The following OCM variants were observed in gnomAD, a reference collection of about 807,000 sequenced individuals.
OCM encodes oncomodulin.
Under a neutral mutation model 14.1 loss-of-function variants are expected in OCM, and 18 were observed. That is an observed-to-expected ratio of 1.28 (90% CI 0.88 to 1.89). The LOEUF (loss-of-function observed/expected upper bound fraction) is 1.89. OCM is among the 40% of genes most tolerant of loss of function. The probability of loss-of-function intolerance (pLI) is 0.00; values close to 1 mark genes in which losing one functional copy is unlikely to be tolerated. For missense variants in OCM, 140 were observed against 137.6 expected, an observed-to-expected ratio of 1.02 and a Z score of -0.09; for synonymous variants, 48 against 51.0, an observed-to-expected ratio of 0.94 and a Z score of 0.25.
At chr7:5,871,935 G>A in the OCM span, 1 of 152,180 alleles carries the variant, frequency 6.6e-6, no homozygotes, top group African/African-American at 2.4e-5. Context: ...GCCAAACTTA[G>A]TGGAGACACC....
intron 1 of OCM, among the ~76,000 whole-genome samples, chr7:5,881,553 C>T (rs1371066524): frequency 6.6e-6 from 1 of 151,846 alleles, no homozygotes; most frequent in Non-Finnish European, 1.5e-5. Flanking sequence ...TCACTGAAGC[C>T]CAGGAGGTTG....
At chr7:5,862,237 A>G in the OCM span, among the ~76,000 whole-genome samples, 8 of 152,166 alleles carry the variant, frequency 5.3e-5, no homozygotes, top group African/African-American at 1.9e-4. Flanking sequence ...CCAAAGAGAA[A>G]GTCAAGCTTG....
chr7:5,876,831 G>C (rs1385565180), upstream of OCM, among the ~76,000 whole-genome samples: 1 of 148,984 alleles, frequency 6.7e-6, no homozygotes, highest in Non-Finnish European at 1.5e-5. Flanking sequence ...TTGAGATGGA[G>C]TTTTGCTCTT....
chr7:5,871,788 T>C, the OCM span: 1 of 151,868 alleles, frequency 6.6e-6, no homozygotes, highest in Non-Finnish European at 1.5e-5. Flanking sequence ...CAGGCTGGAG[T>C]GCAGTGGCTA....
chr7:5,883,704 C>CAAAG (rs979824133), intron 2 of OCM, among the ~76,000 whole-genome samples, 186 bp from the exon 3 acceptor site: 9 of 151,138 alleles, frequency 6.0e-5, no homozygotes, highest in African/African-American at 2.2e-4. Context: ...AACAAACAAA[C>CAAAG]AAAACCTTAA....
At chr7:5,870,445 C>A in the OCM span, among the ~76,000 whole-genome samples, 2 of 152,194 alleles carry the variant, frequency 1.3e-5, no homozygotes, top group Non-Finnish European at 1.5e-5. Context: ...CTCATAGCAT[C>A]CTGTCCATTG....
At chr7:5,863,633 A>G in the OCM span, among the ~76,000 whole-genome samples, 1 of 151,684 alleles carries the variant, frequency 6.6e-6, no homozygotes. Flanking sequence ...CCTGGGTTCA[A>G]GCGATTCTCC....
the OCM span, among the ~76,000 whole-genome samples, chr7:5,868,501 C>T: frequency 4.6e-5 from 7 of 152,176 alleles, no homozygotes; most frequent in East Asian, 3.9e-4. Context: ...AGTGAGCTCA[C>T]GAAGACACAG....
chr7:5,876,893 C>A (rs1047180953), upstream of OCM, among the ~76,000 whole-genome samples: 2 of 151,850 alleles, frequency 1.3e-5, no homozygotes, highest in Non-Finnish European at 2.9e-5. Context: ...GCAACCTCCA[C>A]CTCCCCAGTT....
In OCM at chr7:5,880,904, C is replaced by T. The variant is rs756749429; in HGVS notation, c.15C>T (p.Asp5=). 3.1e-5 allele frequency: 50 copies of T among 1,613,678 alleles called. No homozygotes were observed. Among genetic ancestry groups the T allele is most frequent in the Non-Finnish European group, 3.9e-5 (46 of 1,179,760 alleles). Residue 5 remains aspartate (D), a synonymous_variant, in exon 1 of 4, where the codon GAC becomes GAT. Coordinates refer to ENST00000242104, the MANE Select transcript of OCM (RefSeq NM_001097622.2). MSIT[D]VLSADDIAAA... The stretch of plus-strand genomic sequence containing the variant: ...GTAGGTAGAAAATGAGCATCACGGA[C>T]GTGCTCAGTGCTGACGACATTGCAG...
chr7:5,885,868 C>T (rs1467993842), intron 3 of OCM, among the ~76,000 whole-genome samples, 196 bp from the exon 4 acceptor site: 1 of 152,184 alleles, frequency 6.6e-6, no homozygotes, highest in Non-Finnish European at 1.5e-5. Flanking sequence ...CTCGGCCTCC[C>T]AAAGTGCTGG....
upstream of OCM, among the ~76,000 whole-genome samples, chr7:5,880,353 T>C (rs1781185016): frequency 6.6e-6 from 1 of 152,220 alleles, no homozygotes. Context: ...TTTTGGCATG[T>C]ATTCAAAAGA....
the OCM span, among the ~76,000 whole-genome samples, chr7:5,862,473 C>T: frequency 6.6e-6 from 1 of 152,166 alleles, no homozygotes; most frequent in Non-Finnish European, 1.5e-5. Context: ...TCTGTTAAAT[C>T]TCACACTGAC....
chr7:5,868,105 A>G, the OCM span, among the ~76,000 whole-genome samples: 1 of 151,664 alleles, frequency 6.6e-6, no homozygotes, highest in African/African-American at 2.4e-5. Flanking sequence ...TGCTAATCCC[A>G]TCCAGTGTAT....
chr7:5,866,573 G>A, the OCM span, among the ~76,000 whole-genome samples: 15 of 152,152 alleles, frequency 9.9e-5, 1 homozygote, highest in South Asian at 1.5e-3. Context: ...TGAAAATTTC[G>A]TTGACTTATT....
chr7:5,867,550 T>C, the OCM span, among the ~76,000 whole-genome samples: 1 of 152,074 alleles, frequency 6.6e-6, no homozygotes, highest in African/African-American at 2.4e-5. Flanking sequence ...TGTGGAAAAT[T>C]TTCTGCCATT....
chr7:5,874,414 CAT>C, the OCM span, among the ~76,000 whole-genome samples: 13 of 151,148 alleles, frequency 8.6e-5, no homozygotes, highest in African/African-American at 1.5e-4. Flanking sequence ...ATATAAACAA[CAT>C]ATCATTATGC....
At chr7:5,859,996 T>C in the OCM span, among the ~76,000 whole-genome samples, 4 of 151,958 alleles carry the variant, frequency 2.6e-5, no homozygotes, top group African/African-American at 9.7e-5. Flanking sequence ...CCAGTGTTTT[T>C]TTATTGGATG....
upstream of OCM, among the ~76,000 whole-genome samples, chr7:5,875,379 A>G (rs1781076095): frequency 6.6e-6 from 1 of 152,020 alleles, no homozygotes. Flanking sequence ...TGATGCTCAG[A>G]TTGCACATAA....
Sources: gnomAD v4.1 joint callset for allele counts (sites outside exome capture counted in the v4.1 genomes callset) on GRCh38, gnomAD v4.1.1 for gene constraint, MANE v1.5 for transcripts, NCBI Gene and HGNC (gene_info 2026-07-23, HGNC 2026-07-21) for gene names.